UTRN: variants seen among roughly 807,000 people sequenced by gnomAD.
The protein encoded by UTRN is utrophin.
UTRN carries 283 observed loss-of-function variants against 463.9 expected under a neutral mutation model. That is an observed-to-expected ratio of 0.61 (90% CI 0.55 to 0.67). UTRN has a LOEUF of 0.67. Ranked by LOEUF, UTRN falls within the 30% of genes least tolerant of loss-of-function variation. UTRN has a pLI of 0.00. For synonymous variants in UTRN, 1,442 were observed against 1,431.5 expected (o/e 1.01, Z -0.17); for missense variants, 3,922 against 4,084.3 (o/e 0.96, Z 1.08).
chr6:144,770,176 G>T (rs1193376091), intron 58 of UTRN, among the ~76,000 whole-genome samples: 1 of 152,126 alleles, frequency 6.6e-6, no homozygotes, highest in Non-Finnish European at 1.5e-5. Context: ...TCACATTGTA[G>T]TTACATTATT....
intron 43 of UTRN, 69 bp downstream of exon 43, chr6:144,533,329 A>G (rs1462207841): frequency 3.5e-5 from 55 of 1,558,592 alleles, no homozygotes; most frequent in Non-Finnish European, 1.7e-6. Context: ...TTAAGATGCA[A>G]TCTAATGAGT....
chr6:144,352,362 C>A (rs1014173769), intron 2 of UTRN, among the ~76,000 whole-genome samples: 1 of 152,110 alleles, frequency 6.6e-6, no homozygotes, highest in Non-Finnish European at 1.5e-5. Flanking sequence ...TATATTTTAC[C>A]TTTGCCCATG....
intron 32 of UTRN, 149 bp downstream of exon 32, chr6:144,491,251 T>A: frequency 1.3e-6 from 1 of 751,718 alleles, no homozygotes. Flanking sequence ...TGTTAAAAAA[T>A]AAGAAGTGTG....
intron 2 of UTRN, among the ~76,000 whole-genome samples, chr6:144,332,278 C>G (rs1005518238): frequency 6.6e-6 from 1 of 152,168 alleles, no homozygotes; most frequent in African/African-American, 2.4e-5. Flanking sequence ...TGGGCAGGGA[C>G]CAAGGTTGTC....
chr6:144,732,235 TATACATATATATATATATATATAC>T lies in UTRN; in HGVS notation c.7939+1751_7939+1774del, dbSNP rs1264751158. Among the ~76,000 whole-genome samples the T allele has an allele frequency of 9.3e-4, 31 of 33,374 alleles. 1 individual carries two copies. The highest frequency in any genetic ancestry group is 2.6e-3 in the African/African-American group (26 of 9,984). The allele number at this position is 33,374 out of a possible 152,430, so 21.9% of individuals were successfully genotyped here. A position where few individuals can be genotyped will look rare whatever the true frequency, so the allele number is the denominator to read the frequency against. ...TGTTTTATATATATATATATATATA[TATACATATATATATATATATATAC>T]ACACATATATATATATATACACACA... On this transcript the variant is annotated intron_variant, in intron 54 of 74. Transcript: ENST00000367545.
chr6:144,794,569 A>G (rs1777052312), intron 63 of UTRN, among the ~76,000 whole-genome samples: 1 of 152,236 alleles, frequency 6.6e-6, no homozygotes. Context: ...ACTGAATTAT[A>G]TAATTCATGG....
At chr6:144,482,699 A>C (rs1792025946) in intron 27 of UTRN, among the ~76,000 whole-genome samples, 1 of 152,108 alleles carries the variant, frequency 6.6e-6, no homozygotes, top group Admixed American at 6.5e-5. Flanking sequence ...TTTTCATGTA[A>C]CAGATGATCT....
At chr6:144,425,694 G>A (rs1343740751) in intron 6 of UTRN, among the ~76,000 whole-genome samples, 1 of 151,918 alleles carries the variant, frequency 6.6e-6, no homozygotes, top group Non-Finnish European at 1.5e-5. Context: ...TCTTTTACTA[G>A]TACTCATTTC....
intron 51 of UTRN, among the ~76,000 whole-genome samples, chr6:144,621,360 AT>A (rs1196760313): frequency 6.6e-6 from 1 of 151,940 alleles, no homozygotes; most frequent in Non-Finnish European, 1.5e-5. Flanking sequence ...GAAACCATGT[AT>A]TTTTTTCTGA....
chr6:144,426,961 C>A (rs1303322429), intron 7 of UTRN, among the ~76,000 whole-genome samples: 2 of 152,064 alleles, frequency 1.3e-5, no homozygotes. Flanking sequence ...AAAAAGAAAC[C>A]AAAACTATGA....
intron 73 of UTRN, among the ~76,000 whole-genome samples, chr6:144,842,530 AG>A (rs1179472403): frequency 6.6e-6 from 1 of 152,206 alleles, no homozygotes; most frequent in East Asian, 1.9e-4. Context: ...CTGAAGTTGC[AG>A]TGAGTTGAGA....
intron 52 of UTRN, among the ~76,000 whole-genome samples, chr6:144,682,569 A>G (rs1329885394): frequency 2.6e-5 from 4 of 152,162 alleles, no homozygotes; most frequent in Non-Finnish European, 5.9e-5. Flanking sequence ...ACTGTTCTCC[A>G]TAGTGTTTAT....
At chr6:144,791,747 G>A (rs1776775142) in intron 62 of UTRN, among the ~76,000 whole-genome samples, 2 of 151,980 alleles carry the variant, frequency 1.3e-5, no homozygotes, top group Non-Finnish European at 2.9e-5. Context: ...ACTTTTGTAG[G>A]AACTTTTATA....
chr6:144,639,646 C>A (rs1161980454), intron 51 of UTRN, among the ~76,000 whole-genome samples: 4 of 152,154 alleles, frequency 2.6e-5, no homozygotes, highest in Admixed American at 1.3e-4. Context: ...CCTTTCCACA[C>A]CCGATCAATC....
intron 64 of UTRN, among the ~76,000 whole-genome samples, chr6:144,800,747 A>T (rs564691144): frequency 2.0e-5 from 3 of 151,932 alleles, no homozygotes; most frequent in African/African-American, 7.2e-5. Flanking sequence ...TACCAATAAC[A>T]TCATTAGTGT....
intron 33 of UTRN, among the ~76,000 whole-genome samples, chr6:144,493,876 A>G (rs1414503845): frequency 6.6e-6 from 1 of 152,162 alleles, no homozygotes; most frequent in Non-Finnish European, 1.5e-5. Context: ...GGTGGTGAGT[A>G]TCTGTAGTCC....
At chr6:144,610,278 A>G (rs1197922925) in intron 51 of UTRN, among the ~76,000 whole-genome samples, 1 of 152,084 alleles carries the variant, frequency 6.6e-6, no homozygotes, top group Non-Finnish European at 1.5e-5. Context: ...ACAAAGGATC[A>G]TAAGAACTGA....
chr6:144,424,839 A>T (rs1562378297), intron 6 of UTRN, among the ~76,000 whole-genome samples: 1 of 152,202 alleles, frequency 6.6e-6, no homozygotes, highest in Non-Finnish European at 1.5e-5. Context: ...TTCTCCTAAA[A>T]ACAAGAACTC....
At chr6:144,321,122 A>G (rs1175010541) in intron 2 of UTRN, among the ~76,000 whole-genome samples, 1 of 152,210 alleles carries the variant, frequency 6.6e-6, no homozygotes, top group African/African-American at 2.4e-5. Context: ...AATTTGATGT[A>G]TAAGAAGTAT....
Sources: gnomAD v4.1 joint callset for allele counts (sites outside exome capture counted in the v4.1 genomes callset) on GRCh38, gnomAD v4.1.1 for gene constraint, MANE v1.5 for transcripts, NCBI Gene and HGNC (gene_info 2026-07-23, HGNC 2026-07-21) for gene names.